DUSP6: variants seen among roughly 807,000 people sequenced by gnomAD.
DUSP6 encodes the protein dual specificity phosphatase 6.
In DUSP6, 6 loss-of-function variants were observed where a neutral mutation model predicts 28.0. The ratio of observed to expected loss-of-function variants is 0.21; its 90% confidence interval spans 0.12 to 0.42. The LOEUF is 0.42. DUSP6 is among the 10% of genes least tolerant of loss of function. The pLI is 1.00. For synonymous variants in DUSP6, 252 were observed against 217.5 expected (o/e 1.16, Z -1.40); for missense variants, 451 against 498.1 (o/e 0.91, Z 0.90).
At chr12:89,351,546 C>T in intron 1 of DUSP6, 94 bp downstream of exon 1, 1 of 1,439,682 alleles carries the variant, frequency 6.9e-7, no homozygotes, top group Non-Finnish European at 9.2e-7. Flanking sequence ...GAAGCTCCAG[C>T]TGAGCGGAGC....
rs1592765812 is a variant in DUSP6 at position 89,349,085 on chromosome 12, C to T, written c.*169G>A. ...TTATTCCAAAGAGAATGGAGCAAAT[C>T]TCTCTGTTAGTATTAACCAATTCCG... On this transcript the variant is annotated 3_prime_UTR_variant, in exon 3 of 3. Coordinates refer to ENST00000279488, the MANE Select transcript of DUSP6 (RefSeq NM_001946.4). 1 of 669,100 alleles carries T rather than the reference C, an allele frequency of 1.5e-6. No individual in the cohort carries two copies. 41.4% of individuals were successfully genotyped at this position (669,100 alleles called of 1,614,324 possible). A position where few individuals can be genotyped will look rare whatever the true frequency, so the allele number is the denominator to read the frequency against.
In DUSP6 at chr12:89,349,299, AGGG is replaced by A; in HGVS notation, c.1098_1100del (p.Pro367del). On this transcript the variant is annotated inframe_deletion, in exon 3 of 3. Transcript: ENST00000279488. ...CCACCTGGTATACATTCTGGTTGGA[AGGG>A]GTGGTAAAATACAGCTGCTGTGCTG... The A allele has an allele frequency of 6.2e-7, 1 of 1,614,088 alleles. No individual in the cohort carries two copies. The highest frequency in any genetic ancestry group is 8.5e-7 in the Non-Finnish European group (1 of 1,179,966).
At chr12:89,351,415 C>G (rs997030212) in intron 1 of DUSP6, 1 of 724,906 alleles carries the variant, frequency 1.4e-6, no homozygotes, top group Non-Finnish European at 2.2e-6. Flanking sequence ...AGAAAGAAAC[C>G]GCCGGTACCC....
rs201138185 is a variant in DUSP6, at chr12:89,352,019, G to A, written c.21C>T (p.Pro7=). 3 of 1,612,408 alleles carry A rather than the reference G, an allele frequency of 1.9e-6. No homozygotes were observed. Among genetic ancestry groups the A allele is most frequent in the Middle Eastern group, 1.7e-4 (1 of 6,060 alleles). Residue 7 remains proline, a synonymous_variant, in exon 1 of 3, where the codon CCC becomes CCT. Transcript: ENST00000279488. ...TCGCCATTTCCGACGCGAAGGGCAC[G>A]GGTCTGAGCGTATCTATCATGGGGG... is the stretch of plus-strand genomic sequence containing the variant. MIDTLR[P]VPFASEMAIS... is the part of the protein sequence containing the mutation.
Position 89,352,134 on chromosome 12 carries a change from G to A in DUSP6, c.-95C>T, listed in dbSNP as rs1879224933. ...ACCGCGCGCGAAGCTGCCGCTCTCG[G>A]AGCGGGGTTTAATTCCGCCTCGCCT... On this transcript the variant is annotated 5_prime_UTR_variant, in exon 1 of 3. Transcript: ENST00000279488. 6.6e-6 allele frequency: 10 copies of A among 1,519,780 alleles called. No homozygotes were observed. The highest frequency in any genetic ancestry group is 8.8e-6 in the Non-Finnish European group (10 of 1,132,216). The allele number at this position is 1,519,780 out of a possible 1,614,324, so 94.1% of individuals were successfully genotyped here.
chr12:89,351,002 C>G lies in DUSP6; in HGVS notation c.424G>C (p.Glu142Gln). The stretch of plus-strand genomic sequence containing the variant: ...TTGGTCTCGCAATGCAGGGAGAACT[C>G]GGCTTGGAACTTACTGAAGCCACCT... Reference protein sequence around the residue: ...LEGGFSKFQAEFSLHCETNLD... With the variant: ...LEGGFSKFQAQFSLHCETNLD... Residue 142 changes from glutamate to glutamine, a missense_variant, in exon 2 of 3, where the codon GAG becomes CAG. Physicochemically the swap from Glu to Gln is conservative, Grantham distance 29. Coordinates refer to ENST00000279488, the MANE Select transcript of DUSP6 (RefSeq NM_001946.4). 2.5e-6 allele frequency: 4 copies of G among 1,600,964 alleles called. No homozygotes were observed. Among genetic ancestry groups the G allele is most frequent in the Non-Finnish European group, 2.6e-6 (3 of 1,175,418 alleles).
chr12:89,351,550 G>T, intron 1 of DUSP6, 90 bp downstream of exon 1: 1 of 1,440,622 alleles, frequency 6.9e-7, no homozygotes. Context: ...CTCCAGCTGA[G>T]CGGAGCAGAG....
At chr12:89,351,180 A>G in intron 1 of DUSP6, 155 bp from the exon 2 acceptor site, 1 of 868,528 alleles carries the variant, frequency 1.2e-6, no homozygotes, top group Non-Finnish European at 1.7e-6. Flanking sequence ...TTAAATGTGC[A>G]CCATCGGGAA....
At chr12:89,351,530 G>C (rs1879187578) in intron 1 of DUSP6, 110 bp downstream of exon 1, 2 of 1,426,720 alleles carry the variant, frequency 1.4e-6, no homozygotes, top group Admixed American at 2.9e-5. Flanking sequence ...CGGGCAGCGC[G>C]GCTCCGAAGC....
rs1426806070 is a variant in DUSP6, at chr12:89,352,278, C to T, written c.-239G>A. The T allele has an allele frequency of 4.1e-5, 24 of 580,660 alleles. No individual in the cohort carries two copies. Among genetic ancestry groups the T allele is most frequent in the Non-Finnish European group, 6.9e-5 (23 of 333,014 alleles). 36.0% of individuals were successfully genotyped at this position (580,660 alleles called of 1,614,324 possible). On this transcript the variant is annotated 5_prime_UTR_variant, in exon 1 of 3. Transcript: ENST00000279488. ...CAATGAATCTCTCTCAATGAAGCTG[C>T]CCAGATAGTTTTTGTTCCTCCCCAG... is the stretch of plus-strand genomic sequence containing the variant.
Position 89,352,043 on chromosome 12 carries a change from G to T in DUSP6, c.-4C>A, listed in dbSNP as rs952672259. ...CGGGTCTGAGCGTATCTATCATGGG[G>T]GTCGAGCTGCGGGAGAGGGCGGGGT... On this transcript the variant is annotated 5_prime_UTR_variant, in exon 1 of 3. Transcript: ENST00000279488. 1.2e-6 allele frequency: 2 copies of T among 1,605,944 alleles called. No homozygotes were observed. The highest frequency in any genetic ancestry group is 1.7e-6 in the Non-Finnish European group (2 of 1,174,234).
At chr12:89,351,531 G>C in intron 1 of DUSP6, 109 bp downstream of exon 1, 1 of 1,428,876 alleles carries the variant, frequency 7.0e-7, no homozygotes, top group Non-Finnish European at 9.2e-7. Flanking sequence ...GGGCAGCGCG[G>C]CTCCGAAGCT....
chr12:89,350,316 T>C (rs1449182182), intron 2 of DUSP6, among the ~76,000 whole-genome samples: 1 of 152,180 alleles, frequency 6.6e-6, no homozygotes, highest in Non-Finnish European at 1.5e-5. Flanking sequence ...GGGGGAAAAA[T>C]CTGTTGTCCG....
In DUSP6 at chr12:89,352,088, G is replaced by T; in HGVS notation, c.-49C>A. On this transcript the variant is annotated 5_prime_UTR_variant, in exon 1 of 3. Transcript: ENST00000279488. Reference sequence around the variant, plus strand: ...CGGGGTGCCTACCAGACGCCCCTCGGGGCAGGCATAGGCCGAGCGCACCGC... The same window carrying T: ...CGGGGTGCCTACCAGACGCCCCTCGTGGCAGGCATAGGCCGAGCGCACCGC... The T allele has an allele frequency of 6.3e-7, 1 of 1,585,346 alleles. No individual in the cohort carries two copies. Among genetic ancestry groups the T allele is most frequent in the Non-Finnish European group, 8.6e-7 (1 of 1,163,010 alleles).
At chr12:89,351,188 G>A in intron 1 of DUSP6, 163 bp from the exon 2 acceptor site, 1 of 831,608 alleles carries the variant, frequency 1.2e-6, no homozygotes, top group South Asian at 1.9e-5. Context: ...GCACCATCGG[G>A]AATGGAACGA....
rs773721396 is a variant in DUSP6, at chr12:89,348,141, C to T, written c.*1113G>A. On this transcript the variant is annotated 3_prime_UTR_variant, in exon 3 of 3. Coordinates refer to ENST00000279488, the MANE Select transcript of DUSP6 (RefSeq NM_001946.4). Reference sequence around the variant, plus strand: ...AATTCCAGCTCTAAACTTTACACCACGAACATAATGGAGAATTTAACTCTC... The same window carrying T: ...AATTCCAGCTCTAAACTTTACACCATGAACATAATGGAGAATTTAACTCTC... The T allele has an allele frequency of 7.9e-5, 12 of 152,708 alleles. No homozygotes were observed. Among genetic ancestry groups the T allele is most frequent in the Non-Finnish European group, 8.8e-5 (6 of 68,022 alleles). The allele number at this position is 152,708 out of a possible 1,614,324, so 9.5% of individuals were successfully genotyped here.
In DUSP6 at chr12:89,349,258, G is replaced by A; in HGVS notation, c.1142C>T (p.Thr381Met). 1 of 1,606,784 alleles carries A rather than the reference G, an allele frequency of 6.2e-7. No individual in the cohort carries two copies. The highest frequency in any genetic ancestry group is 8.5e-7 in the Non-Finnish European group (1 of 1,174,012). The change falls in exon 3 of 3, where the codon ACG (threonine) becomes ATG (methionine). Residue 381 changes from threonine (T) to methionine (M), a missense_variant. This residue lies in a region of DUSP6 where 104 missense variants were observed against 151.4 expected (regional missense o/e 0.69). Coordinates refer to ENST00000279488, the MANE Select transcript of DUSP6 (RefSeq NM_001946.4). ...CAAGGAGGGGTGTGGGGTCTTTCAC[G>A]TAGATTGCAGAGAGTCCACCTGGTA... ...NVYQVDSLQS[T>M]
Position 89,349,496 on chromosome 12 carries a change from T to C in DUSP6, c.904A>G (p.Thr302Ala). The C allele has an allele frequency of 6.2e-7, 1 of 1,614,176 alleles. No homozygotes were observed. Among genetic ancestry groups the C allele is most frequent in the Non-Finnish European group, 8.5e-7 (1 of 1,179,994 alleles). ...HCLAGISRSV[T>A]VTVAYLMQKL... ...TGCATAAGGTAAGCCACAGTCACAGTGACTGAGCGGCTAATGCCAGCCAAG... is the reference window on the plus strand; with the variant it reads ...TGCATAAGGTAAGCCACAGTCACAGCGACTGAGCGGCTAATGCCAGCCAAG... Residue 302 changes from threonine to alanine, a missense_variant, in exon 3 of 3, where the codon ACT (threonine) becomes GCT (alanine). By Grantham distance (58) the Thr-to-Ala change is moderately conservative. Coordinates refer to ENST00000279488, the MANE Select transcript of DUSP6 (RefSeq NM_001946.4).
Position 89,351,788 on chromosome 12 carries a change from G to A in DUSP6, c.252C>T (p.Asp84=), listed in dbSNP as rs753109290. 17 of 1,610,130 alleles carry A rather than the reference G, an allele frequency of 1.1e-5. No individual in the cohort carries two copies. The Admixed American group carries it at 1.3e-4, about 13-fold the overall frequency. Residue 84 remains aspartate (D), a synonymous_variant, in exon 1 of 3, where the codon GAC becomes GAT. Transcript: ENST00000279488. ...RALFTRGEDR[D]RFTRRCGTDT... is the part of the protein sequence containing the mutation. ...CGGTGCCACAGCGCCGGGTGAAGCG[G>A]TCCCGGTCCTCGCCGCGCGTGAAGA...
Sources: gnomAD v4.1 joint callset for allele counts (sites outside exome capture counted in the v4.1 genomes callset) on GRCh38, gnomAD v4.1.1 for gene constraint, gnomAD v4.1.1 regional missense constraint, MANE v1.5 for transcripts, NCBI Gene and HGNC (gene_info 2026-07-23, HGNC 2026-07-21) for gene names.